The following IQCM variants were observed in gnomAD, a reference collection of about 807,000 sequenced individuals.
IQCM encodes the protein IQ motif containing M.
Under a neutral mutation model 57.6 loss-of-function variants are expected in IQCM, and 45 were observed. The observed-to-expected ratio is 0.78, with a 90% CI of 0.62 to 1.00. The LOEUF is 1.00. IQCM is among the 50% of genes least tolerant of loss of function. The pLI is 0.00. For missense variants in IQCM, 468 were observed against 511.6 expected, an observed-to-expected ratio of 0.91 and a Z score of 0.82; for synonymous variants, 148 against 158.9, an observed-to-expected ratio of 0.93 and a Z score of 0.51.
chr4:149,730,314 C>T (rs947145453), intron 5 of IQCM, among the ~76,000 whole-genome samples: 8 of 152,288 alleles, frequency 5.3e-5, no homozygotes, highest in Non-Finnish European at 2.9e-5. Flanking sequence ...TGTCTTTCCC[C>T]GTGTGAATTA....
chr4:149,553,177 T>A lies in IQCM; in HGVS notation c.1059A>T (p.Leu353Phe), dbSNP rs943143076. 3.2e-6 allele frequency: 4 copies of A among 1,231,944 alleles called. No homozygotes were observed. In the Admixed American group the frequency reaches 1.7e-4, roughly 52 times the overall value. The allele number at this position is 1,231,944 out of a possible 1,614,324, so 76.3% of individuals were successfully genotyped here. Residue 353 changes from leucine (L) to phenylalanine (F), a missense_variant, in exon 11 of 14, where the codon TTA becomes TTT. Transcript: ENST00000636793. Reference sequence around the variant, plus strand: ...GGTCCATCCACTCCTCTAGCTCTGCTAAGTTGAGAATTTGTCTTGTCCTCC... The same window carrying A: ...GGTCCATCCACTCCTCTAGCTCTGCAAAGTTGAGAATTTGTCTTGTCCTCC... ...GLWRTRQILN[L>F]AELEEWMDRK...
intron 12 of IQCM, among the ~76,000 whole-genome samples, chr4:149,506,534 C>A (rs955407310): frequency 6.6e-6 from 1 of 152,018 alleles, no homozygotes; most frequent in Non-Finnish European, 1.5e-5. Context: ...TTTTAGGGTG[C>A]TTGGCAGAAG....
At chr4:149,501,735 T>C (rs2149792884) in intron 12 of IQCM, among the ~76,000 whole-genome samples, 1 of 152,270 alleles carries the variant, frequency 6.6e-6, no homozygotes, top group South Asian at 2.1e-4. Context: ...CTTTGGAGAA[T>C]AAACACTGGA....
chr4:149,772,657 A>C (rs995917345), intron 2 of IQCM, among the ~76,000 whole-genome samples: 2 of 152,250 alleles, frequency 1.3e-5, no homozygotes, highest in Non-Finnish European at 2.9e-5. Flanking sequence ...TGAGGCATAA[A>C]GCAAGAAGCA....
At chr4:149,564,737 C>G (rs1750448531) in intron 9 of IQCM, among the ~76,000 whole-genome samples, 2 of 152,126 alleles carry the variant, frequency 1.3e-5, no homozygotes, top group South Asian at 4.1e-4. Flanking sequence ...CCGACTGGCT[C>G]TCCTTGCTCC....
chr4:149,360,484 T>C (rs1729401092), intron 13 of IQCM, among the ~76,000 whole-genome samples: 1 of 152,080 alleles, frequency 6.6e-6, no homozygotes, highest in Admixed American at 6.5e-5. Context: ...ACTTATAATA[T>C]GGTTTGGCTG....
chr4:149,654,458 C>T (rs1010032092), intron 7 of IQCM, among the ~76,000 whole-genome samples: 2 of 152,090 alleles, frequency 1.3e-5, no homozygotes, highest in Admixed American at 1.3e-4. Context: ...TCTCTGTTGC[C>T]CCTGCTTTTA....
At chr4:149,411,797 C>A (rs762691197) in intron 13 of IQCM, among the ~76,000 whole-genome samples, 2 of 152,102 alleles carry the variant, frequency 1.3e-5, no homozygotes, top group Non-Finnish European at 2.9e-5. Context: ...CAACACAATA[C>A]TGTTTTATCA....
intron 11 of IQCM, among the ~76,000 whole-genome samples, chr4:149,550,550 A>G (rs1417359818): frequency 6.6e-6 from 1 of 152,234 alleles, no homozygotes; most frequent in Non-Finnish European, 1.5e-5. Context: ...TGTATAATTG[A>G]TAACAGTGCC....
intron 12 of IQCM, among the ~76,000 whole-genome samples, chr4:149,499,405 G>A (rs1411134623): frequency 6.6e-6 from 1 of 151,722 alleles, no homozygotes; most frequent in East Asian, 1.9e-4. Flanking sequence ...TAAAATATTA[G>A]GAAAAAAATA....
At chr4:149,496,592 C>A (rs1742684457) in intron 12 of IQCM, among the ~76,000 whole-genome samples, 1 of 152,012 alleles carries the variant, frequency 6.6e-6, no homozygotes, top group Non-Finnish European at 1.5e-5. Context: ...GCAGGCAGCT[C>A]CTAGAAGGTA....
intron 13 of IQCM, among the ~76,000 whole-genome samples, chr4:149,417,803 C>A (rs1488519079): frequency 6.7e-6 from 1 of 150,048 alleles, no homozygotes; most frequent in Non-Finnish European, 1.5e-5. Flanking sequence ...CAAAAGCATT[C>A]TCTATTTCCC....
At chr4:149,635,653 C>T (rs533605051) in intron 7 of IQCM, among the ~76,000 whole-genome samples, 1 of 152,114 alleles carries the variant, frequency 6.6e-6, no homozygotes, top group Non-Finnish European at 1.5e-5. Context: ...TTACAAATAA[C>T]ACCTGCATGC....
intron 9 of IQCM, among the ~76,000 whole-genome samples, chr4:149,587,641 G>A (rs1752764030): frequency 6.6e-6 from 1 of 151,354 alleles, no homozygotes; most frequent in Admixed American, 6.6e-5. Context: ...TGTCATTTAC[G>A]GCATTTACTG....
At chr4:149,722,168 G>C (rs1765504574) in intron 5 of IQCM, among the ~76,000 whole-genome samples, 1 of 151,966 alleles carries the variant, frequency 6.6e-6, no homozygotes, top group Non-Finnish European at 1.5e-5. Context: ...TGATTTGTTT[G>C]AGTTTCTTGT....
intron 12 of IQCM, among the ~76,000 whole-genome samples, chr4:149,440,832 A>G (rs1735869083): frequency 6.6e-6 from 1 of 152,008 alleles, no homozygotes; most frequent in South Asian, 2.1e-4. Context: ...CGTTTTCCAG[A>G]CTTATTTAGA....
intron 13 of IQCM, among the ~76,000 whole-genome samples, chr4:149,368,860 ATATATACATATATACACGTG>A: frequency 1.1e-5 from 1 of 95,064 alleles, no homozygotes; most frequent in Non-Finnish European, 2.2e-5. Flanking sequence ...ATACATGTAT[ATATATACATATATACACGTG>A]TATATATATG....
intron 1 of IQCM, 29 bp downstream of exon 1, chr4:149,815,571 A>C (rs1269247316): frequency 5.3e-5 from 8 of 151,994 alleles, no homozygotes; most frequent in Non-Finnish European, 1.0e-4. Flanking sequence ...AATACTACTT[A>C]AGCCAATTGA....
Position 149,567,927 on chromosome 4 carries a change from T to C in IQCM, c.750-4037A>G, listed in dbSNP as rs985983331. Reference sequence around the variant, plus strand: ...GGCTCAAAAGCTTGCCAGCTCCGAATTCAAAATTCTTAGACATTCAGCTGT... The same window carrying C: ...GGCTCAAAAGCTTGCCAGCTCCGAACTCAAAATTCTTAGACATTCAGCTGT... On this transcript the variant is annotated intron_variant, in intron 9 of 13. Transcript: ENST00000636793. Among the ~76,000 whole-genome samples, 3 of 152,194 alleles carry C rather than the reference T, an allele frequency of 2.0e-5. No individual in the cohort carries two copies. In the South Asian group the frequency reaches 6.2e-4, roughly 31 times the overall value.
Sources: allele counts gnomAD v4.1 joint callset (sites outside exome capture counted in the v4.1 genomes callset), GRCh38; gene constraint gnomAD v4.1.1; transcripts MANE v1.5; gene names NCBI Gene and HGNC (gene_info 2026-07-23, HGNC 2026-07-21).